MTFR1: variants seen among roughly 807,000 people sequenced by gnomAD.
MTFR1 encodes chondrocyte protein with a poly-proline region.
Under a neutral mutation model 38.8 loss-of-function variants are expected in MTFR1, and 28 were observed. The ratio of observed to expected loss-of-function variants is 0.72; its 90% CI spans 0.53 to 0.99. The LOEUF (loss-of-function observed/expected upper bound fraction) is 0.99, where lower values mean the gene tolerates loss of function less well. Among genes scored for constraint, MTFR1 ranks in the 50% least tolerant of loss-of-function variants. The pLI, the probability that MTFR1 is intolerant of heterozygous loss-of-function variation, is 0.00. For missense variants in MTFR1, 358 were observed against 395.5 expected (o/e 0.91, Z 0.81); for synonymous variants, 145 against 137.0 (o/e 1.06, Z -0.41).
intron 4 of MTFR1, among the ~76,000 whole-genome samples, chr8:65,697,659 T>G (rs931768619): frequency 1.3e-5 from 2 of 152,238 alleles, no homozygotes; most frequent in Non-Finnish European, 2.9e-5. Flanking sequence ...TGAGTGCAGT[T>G]GCTGGGTCAA....
At chr8:65,752,581 C>A (rs1808017135) in intron 3 of MTFR1, among the ~76,000 whole-genome samples, 2 of 152,070 alleles carry the variant, frequency 1.3e-5, no homozygotes, top group Admixed American at 1.3e-4. Context: ...CCACAGAATT[C>A]TTTCTTTCTC....
intron 1 of MTFR1, among the ~76,000 whole-genome samples, chr8:65,645,143 A>G (rs1022065026): frequency 1.1e-4 from 17 of 151,934 alleles, no homozygotes; most frequent in Middle Eastern, 3.4e-3. Flanking sequence ...GCCGGCCGCC[A>G]GGCGGCGGTC....
At chr8:65,708,234 T>TA in intron 7 of MTFR1, 1 of 935,394 alleles carries the variant, frequency 1.1e-6, no homozygotes, top group Non-Finnish European at 1.5e-6. Flanking sequence ...AAATAATAGT[T>TA]GTTCATTTGG....
chr8:65,704,507 G>T (rs1563457251), intron 4 of MTFR1, among the ~76,000 whole-genome samples, 187 bp from the exon 5 acceptor site: 1 of 152,180 alleles, frequency 6.6e-6, no homozygotes, highest in East Asian at 1.9e-4. Flanking sequence ...AAGAACCCCA[G>T]CTGTGGTATG....
upstream of MTFR1, among the ~76,000 whole-genome samples, chr8:65,644,501 A>G (rs1808892488): frequency 6.6e-6 from 1 of 152,246 alleles, no homozygotes; most frequent in African/African-American, 2.4e-5. Context: ...ACTTCCCAGG[A>G]CAGGACGGTG....
chr8:65,768,760 T>C (rs1441414256), intron 3 of MTFR1, among the ~76,000 whole-genome samples: 1 of 152,180 alleles, frequency 6.6e-6, no homozygotes, highest in Non-Finnish European at 1.5e-5. Context: ...CTTCTTTATG[T>C]AAAAAATCCC....
chr8:65,709,835 C>T lies in MTFR1; in HGVS notation c.*791C>T, dbSNP rs1486255739. On this transcript the variant is annotated 3_prime_UTR_variant, in exon 8 of 8. Transcript: ENST00000262146. ...AACTCAGAATGTACCATCTTGTTTC[C>T]TTTCAGTTTATTAAATGGCATCATA... The T allele has an allele frequency of 6.6e-6, 1 of 152,480 alleles. No homozygotes were observed. Among genetic ancestry groups the T allele is most frequent in the Non-Finnish European group, 1.5e-5 (1 of 68,002 alleles). 9.4% of individuals were successfully genotyped at this position (152,480 alleles called of 1,614,324 possible). A position where few individuals can be genotyped will look rare whatever the true frequency, so the allele number is the denominator to read the frequency against.
At chr8:65,742,380 T>G (rs1231940848) in intron 3 of MTFR1, among the ~76,000 whole-genome samples, 1 of 152,156 alleles carries the variant, frequency 6.6e-6, no homozygotes, top group Admixed American at 6.5e-5. Context: ...CTTAACTCCC[T>G]CAATCCTACA....
the MTFR1 span, among the ~76,000 whole-genome samples, chr8:65,776,566 T>C: frequency 6.6e-6 from 1 of 152,196 alleles, no homozygotes; most frequent in Admixed American, 6.5e-5. Context: ...ATTTAAGTTA[T>C]CTTTAATTTT....
At chr8:65,714,541 G>C (rs145026411), downstream of MTFR1, 68 of 152,168 alleles carry the variant, frequency 4.5e-4, no homozygotes, top group African/African-American at 1.4e-3. Context: ...GCTAATTCTT[G>C]CACAGACCTG....
At chr8:65,735,555 C>A (rs1448858716) in intron 3 of MTFR1, among the ~76,000 whole-genome samples, 1 of 152,188 alleles carries the variant, frequency 6.6e-6, no homozygotes, top group Non-Finnish European at 1.5e-5. Context: ...AAGGAGTCCA[C>A]CTGCCTTGGC....
intron 3 of MTFR1, among the ~76,000 whole-genome samples, chr8:65,691,365 G>A (rs866778033): frequency 4.6e-5 from 7 of 152,110 alleles, no homozygotes; most frequent in Admixed American, 1.3e-4. Context: ...ATGCCTCACT[G>A]CAGCCTCTGC....
intron 3 of MTFR1, among the ~76,000 whole-genome samples, chr8:65,770,027 C>A (rs1283452318): frequency 2.0e-5 from 3 of 152,000 alleles, no homozygotes; most frequent in Non-Finnish European, 4.4e-5. Context: ...AATTTCAAAA[C>A]ACATACAAAA....
chr8:65,705,250 G>A (rs546117776), intron 5 of MTFR1, among the ~76,000 whole-genome samples: 1 of 152,182 alleles, frequency 6.6e-6, no homozygotes, highest in Non-Finnish European at 1.5e-5. Flanking sequence ...CTTGAACCTG[G>A]GGGGTGGAGA....
chr8:65,650,496 A>G (rs1488452557), intron 1 of MTFR1, among the ~76,000 whole-genome samples: 3 of 152,140 alleles, frequency 2.0e-5, no homozygotes, highest in South Asian at 2.1e-4. Context: ...TCTTATCTGC[A>G]TGAGTTAAGT....
rs564231198 is a variant in MTFR1, at chr8:65,648,129, G to T, written c.-81+3345G>T. Among the ~76,000 whole-genome samples the T allele has an allele frequency of 2.2e-4, 34 of 152,122 alleles. No individual in the cohort carries two copies. In the South Asian group the frequency reaches 7.1e-3, roughly 32 times the overall value. ...CGGGTTCACGCCATTCCATTCTCCT[G>T]CCTCAGCCTCCTGAGTAGCTGGGAC... On this transcript the variant is annotated intron_variant, in intron 1 of 7. Transcript: ENST00000262146.
intron 2 of MTFR1, among the ~76,000 whole-genome samples, chr8:65,671,821 G>A (rs1248280652): frequency 1.3e-5 from 2 of 152,194 alleles, no homozygotes; most frequent in African/African-American, 4.8e-5. Flanking sequence ...CAAAGTAGCT[G>A]TAAGAATTGC....
chr8:65,691,896 T>C (rs189994047), intron 3 of MTFR1, among the ~76,000 whole-genome samples: 18 of 152,346 alleles, frequency 1.2e-4, no homozygotes, highest in Admixed American at 1.0e-3. Flanking sequence ...ACAACTGATA[T>C]GTTTAAAGTT....
intron 1 of MTFR1, among the ~76,000 whole-genome samples, chr8:65,650,280 C>T (rs150125789): frequency 0.047 from 6,161 of 132,182 alleles, 191 homozygotes; most frequent in Non-Finnish European, 0.065. Context: ...TCAAGCAATT[C>T]TCTGCCTCAG....
Sources: allele counts gnomAD v4.1 joint callset (sites outside exome capture counted in the v4.1 genomes callset), GRCh38; gene constraint gnomAD v4.1.1; transcripts MANE v1.5; gene names NCBI Gene and HGNC (gene_info 2026-07-23, HGNC 2026-07-21).